MIGA1: variants seen among roughly 807,000 people sequenced by gnomAD.
The protein encoded by MIGA1 is mitoguardin 1.
MIGA1 carries 58 observed loss-of-function variants against 82.0 expected under a neutral mutation model. That is an observed-to-expected ratio of 0.71 (90% CI 0.57 to 0.88). The LOEUF is 0.88. Among genes scored for constraint, MIGA1 ranks in the 40% least tolerant of loss-of-function variants. MIGA1 has a pLI of 0.00. For synonymous variants in MIGA1, 249 were observed against 253.6 expected, an observed-to-expected ratio of 0.98 and a Z score of 0.17; for missense variants, 751 against 749.1, an observed-to-expected ratio of 1.00 and a Z score of -0.03.
intron 2 of MIGA1, among the ~76,000 whole-genome samples, chr1:77,791,413 A>G (rs962152009): frequency 2.6e-5 from 4 of 152,064 alleles, no homozygotes; most frequent in South Asian, 4.1e-4. Flanking sequence ...CATGGTATGT[A>G]TGGATGTACC....
chr1:77,803,351 A>T lies in MIGA1; in HGVS notation c.455A>T (p.Tyr152Phe), dbSNP rs765998538. 1 of 1,567,930 alleles carries T rather than the reference A, an allele frequency of 6.4e-7. No homozygotes were observed. Among genetic ancestry groups the T allele is most frequent in the Non-Finnish European group, 8.7e-7 (1 of 1,154,198 alleles). ...GACAAAGGATCTCAAGTTTGTAACT[A>T]TGCTAATGGAGGACTTTTCAGTAAA... Residue 152 changes from tyrosine (Y) to phenylalanine (F), a missense_variant, in exon 4 of 16, where the codon TAT (tyrosine) becomes TTT (phenylalanine). Transcript: ENST00000370791.
In MIGA1 at chr1:77,847,748, C is replaced by T. The variant is rs1417461092; in HGVS notation, c.996+4341C>T. ...TACCTAAATGCAGCTTTCGTGAAGC[C>T]AGATCTGGTATAAAGGAAGAGAAAT... On this transcript the variant is annotated intron_variant, in intron 8 of 15. Transcript: ENST00000370791. 7.5e-6 allele frequency: 12 copies of T among 1,591,532 alleles called. No homozygotes were observed. The East Asian group carries it at 2.7e-4, about 36-fold the overall frequency.
chr1:77,837,135 G>T (rs939583612), intron 7 of MIGA1, among the ~76,000 whole-genome samples: 5 of 152,032 alleles, frequency 3.3e-5, no homozygotes, highest in African/African-American at 1.2e-4. Flanking sequence ...ATGTCCAATA[G>T]AAATATAATG....
intron 14 of MIGA1, among the ~76,000 whole-genome samples, chr1:77,872,207 G>A (rs773483266): frequency 1.6e-4 from 24 of 151,870 alleles, no homozygotes; most frequent in Non-Finnish European, 2.6e-4. Context: ...AGGGTCAAGT[G>A]ATCCACCTGC....
chr1:77,875,305 G>A lies in MIGA1; in HGVS notation c.*241G>A, dbSNP rs920236649. 2.5e-6 allele frequency: 1 copy of A among 397,120 alleles called. No individual in the cohort carries two copies. Among genetic ancestry groups the A allele is most frequent in the Non-Finnish European group, 4.5e-6 (1 of 222,044 alleles). The allele number at this position is 397,120 out of a possible 1,614,324, so 24.6% of individuals were successfully genotyped here. On this transcript the variant is annotated 3_prime_UTR_variant, in exon 16 of 16. Transcript: ENST00000370791. The stretch of plus-strand genomic sequence containing the variant: ...TAGGTAATAATTGAAGTCATGAAAT[G>A]TATATTTTACAGAAATATCGCTTGA...
At chr1:77,818,661 C>G (rs1412362264) in intron 7 of MIGA1, among the ~76,000 whole-genome samples, 2 of 152,126 alleles carry the variant, frequency 1.3e-5, no homozygotes, top group African/African-American at 2.4e-5. Context: ...ACTGCAAACC[C>G]AGCATTTTGG....
chr1:77,780,777 T>G (rs184162077), intron 1 of MIGA1, among the ~76,000 whole-genome samples: 42 of 150,472 alleles, frequency 2.8e-4, no homozygotes, highest in African/African-American at 9.3e-4. Context: ...TAGTTTTTTG[T>G]TTTTTTTTCT....
Position 77,843,409 on chromosome 1 carries a change from T to G in MIGA1, c.996+2T>G. 1 of 1,609,792 alleles carries G rather than the reference T, an allele frequency of 6.2e-7. No homozygotes were observed. The highest frequency in any genetic ancestry group is 8.5e-7 in the Non-Finnish European group (1 of 1,176,104). ...GATTCCTTTGCTTCCGCAGCAGAGGTAGGACATATGTGTTCCTAATGAGGA... is the reference window on the plus strand; with the variant it reads ...GATTCCTTTGCTTCCGCAGCAGAGGGAGGACATATGTGTTCCTAATGAGGA... On this transcript the variant is annotated splice_donor_variant, in intron 8 of 15. Coordinates refer to ENST00000370791, the MANE Select transcript of MIGA1 (RefSeq NM_198549.4). LOFTEE classifies it high-confidence loss of function.
chr1:77,843,315 AC>A lies in MIGA1; in HGVS notation c.905del (p.Thr302LysfsTer5), dbSNP rs888925266. 6.2e-7 allele frequency: 1 copy of A among 1,609,782 alleles called. No individual in the cohort carries two copies. The highest frequency in any genetic ancestry group is 1.3e-5 in the African/African-American group (1 of 74,876). On this transcript the variant is annotated frameshift_variant, in exon 8 of 16. Coordinates refer to ENST00000370791, the MANE Select transcript of MIGA1 (RefSeq NM_198549.4). LOFTEE classifies it high-confidence loss of function. ...CACCTTTTACTTTTAAGATAAAGAT[AC>A]AGATATCACCATGAAGGGTAATGTG...
At chr1:77,850,232 A>G (rs1440203046) in intron 8 of MIGA1, among the ~76,000 whole-genome samples, 1 of 152,174 alleles carries the variant, frequency 6.6e-6, no homozygotes, top group Non-Finnish European at 1.5e-5. Context: ...GAGTGACCCA[A>G]GAGAGGGCAA....
chr1:77,823,402 AG>A (rs1379431673), intron 7 of MIGA1, among the ~76,000 whole-genome samples: 1 of 152,192 alleles, frequency 6.6e-6, no homozygotes, highest in Non-Finnish European at 1.5e-5. Flanking sequence ...GCACACTTAA[AG>A]GGGGAGAATT....
chr1:77,814,043 C>A (rs1683479616), intron 6 of MIGA1, among the ~76,000 whole-genome samples, 176 bp downstream of exon 6: 2 of 151,894 alleles, frequency 1.3e-5, no homozygotes, highest in Non-Finnish European at 2.9e-5. Flanking sequence ...GGATGCACCA[C>A]CATGCCAGGC....
At chr1:77,787,742 A>G (rs1167966456) in intron 2 of MIGA1, among the ~76,000 whole-genome samples, 1 of 151,580 alleles carries the variant, frequency 6.6e-6, no homozygotes, top group Non-Finnish European at 1.5e-5. Flanking sequence ...AGTTCTCTGT[A>G]TAGTCTGGAT....
At position 77,861,455 on chromosome 1, in the gene MIGA1, A is replaced by G. The variant is rs1013033883; in HGVS notation, c.1374+133A>G. 1.1e-4 allele frequency: 70 copies of G among 629,076 alleles called. No homozygotes were observed. The African/African-American group carries it at 1.3e-3, about 11-fold the overall frequency. 39.0% of individuals were successfully genotyped at this position (629,076 alleles called of 1,614,324 possible). ...TGGTTGTGGGACATCTTTTTTTCTGACGAAGTCATAAACCACACTCCTTGT... is the reference window on the plus strand; with the variant it reads ...TGGTTGTGGGACATCTTTTTTTCTGGCGAAGTCATAAACCACACTCCTTGT... On this transcript the variant is annotated intron_variant, in intron 12 of 15. Coordinates refer to ENST00000370791, the MANE Select transcript of MIGA1 (RefSeq NM_198549.4).
intron 8 of MIGA1, among the ~76,000 whole-genome samples, chr1:77,845,613 G>C (rs1406640340): frequency 6.6e-6 from 1 of 152,116 alleles, no homozygotes; most frequent in Non-Finnish European, 1.5e-5. Flanking sequence ...TATGGTCTCA[G>C]AATGTGAATG....
At position 77,877,333 on chromosome 1, in the gene MIGA1, A is replaced by T. The variant is rs1182731237; in HGVS notation, c.*2269A>T. The T allele has an allele frequency of 6.6e-6, 1 of 152,222 alleles. No homozygotes were observed. The highest frequency in any genetic ancestry group is 2.4e-5 in the African/African-American group (1 of 41,464). 9.4% of individuals were successfully genotyped at this position (152,222 alleles called of 1,614,324 possible). On this transcript the variant is annotated 3_prime_UTR_variant, in exon 16 of 16. Transcript: ENST00000370791. ...CTGTTTTGCATGTACTTTATAGGTTATATAGCATGAAACATACAAATTATC... is the reference window on the plus strand; with the variant it reads ...CTGTTTTGCATGTACTTTATAGGTTTTATAGCATGAAACATACAAATTATC...
At chr1:77,864,599 CCAGGAGGCAGAGGTTG>C (rs1172400036) in intron 13 of MIGA1, among the ~76,000 whole-genome samples, 2 of 152,070 alleles carry the variant, frequency 1.3e-5, no homozygotes, top group East Asian at 3.8e-4. Flanking sequence ...TCGCTTGAAC[CCAGGAGGCAGAGGTTG>C]CAGTAAGCCG....
intron 8 of MIGA1, among the ~76,000 whole-genome samples, chr1:77,857,050 T>TC (rs2101928062): frequency 6.6e-6 from 1 of 152,316 alleles, no homozygotes; most frequent in Non-Finnish European, 1.5e-5. Flanking sequence ...CTTAGCTGTA[T>TC]CCCAGAGGTT....
At chr1:77,808,531 T>A (rs1047683768) in intron 5 of MIGA1, among the ~76,000 whole-genome samples, 23 of 152,366 alleles carry the variant, frequency 1.5e-4, no homozygotes, top group Non-Finnish European at 3.1e-4. Flanking sequence ...AGAGGCTTTC[T>A]GTGTTTCACA....
Sources: gnomAD v4.1 joint callset for allele counts (sites outside exome capture counted in the v4.1 genomes callset) on GRCh38, gnomAD v4.1.1 for gene constraint, MANE v1.5 for transcripts, NCBI Gene and HGNC (gene_info 2026-07-23, HGNC 2026-07-21) for gene names.